PSAT1: variants seen among roughly 807,000 people sequenced by gnomAD.
PSAT1 encodes the protein phosphoserine aminotransferase.
A neutral mutation model predicts 40.3 loss-of-function variants in PSAT1; 41 were observed. The ratio of observed to expected loss-of-function variants is 1.02; its 90% CI spans 0.79 to 1.32. The LOEUF is 1.32. Ranked by LOEUF, PSAT1 falls within the 40% of genes most tolerant of loss-of-function variation. The probability of loss-of-function intolerance (pLI) is 0.00; values close to 1 mark genes in which losing one functional copy is unlikely to be tolerated. For missense variants in PSAT1, 406 were observed against 455.8 expected (o/e 0.89, Z 0.99); for synonymous variants, 147 against 170.5 (o/e 0.86, Z 1.07).
intron 6 of PSAT1, among the ~76,000 whole-genome samples, chr9:78,314,239 C>T (rs62565628): frequency 0.18 from 23,126 of 125,844 alleles, 1,998 homozygotes; most frequent in East Asian, 0.28. Flanking sequence ...TTAAGTAGAG[C>T]CACAGGGGCT....
chr9:78,301,805 T>G, intron 2 of PSAT1, 149 bp from the exon 3 acceptor site: 1 of 706,250 alleles, frequency 1.4e-6, no homozygotes, highest in Admixed American at 2.1e-5. Context: ...TATGGTCCCC[T>G]AAACTAAGTG....
intron 4 of PSAT1, among the ~76,000 whole-genome samples, chr9:78,305,862 T>G (rs1828174110): frequency 6.6e-6 from 1 of 152,144 alleles, no homozygotes; most frequent in African/African-American, 2.4e-5. Context: ...AACTCAGATA[T>G]CTCCCATGCC....
chr9:78,310,637 A>C (rs932503416), intron 6 of PSAT1, among the ~76,000 whole-genome samples: 1 of 147,662 alleles, frequency 6.8e-6, no homozygotes, highest in Non-Finnish European at 1.5e-5. Flanking sequence ...TTTTGACAGA[A>C]TCTTGCTCTG....
At chr9:78,322,041 A>G (rs1352385704) in intron 7 of PSAT1, among the ~76,000 whole-genome samples, 1 of 151,860 alleles carries the variant, frequency 6.6e-6, no homozygotes, top group Non-Finnish European at 1.5e-5. Flanking sequence ...TTAGCTCTTA[A>G]TATCATTATT....
intron 6 of PSAT1, among the ~76,000 whole-genome samples, chr9:78,316,499 C>G (rs577347823): frequency 6.6e-6 from 1 of 152,164 alleles, no homozygotes; most frequent in Admixed American, 6.5e-5. Flanking sequence ...TTTTTCTGCT[C>G]TCCCCACTCT....
At chr9:78,313,832 C>T (rs1048388087) in intron 6 of PSAT1, among the ~76,000 whole-genome samples, 14 of 151,950 alleles carry the variant, frequency 9.2e-5, no homozygotes, top group South Asian at 8.3e-4. Flanking sequence ...AAATTTATGG[C>T]GACAGGGTCT....
At chr9:78,317,531 G>A (rs538141425) in intron 6 of PSAT1, 145 bp from the exon 7 acceptor site, 17 of 1,027,448 alleles carry the variant, frequency 1.7e-5, no homozygotes, top group South Asian at 7.9e-5. Flanking sequence ...GATTACGGGC[G>A]TGAGCCACTG....
chr9:78,297,261 G>T lies in PSAT1; in HGVS notation c.51G>T (p.Leu17=). 6.2e-7 allele frequency: 1 copy of T among 1,601,132 alleles called. No individual in the cohort carries two copies. Among genetic ancestry groups the T allele is most frequent in the Non-Finnish European group, 8.5e-7 (1 of 1,178,350 alleles). The change falls in exon 1 of 9, where the codon CTG becomes CTT. Residue 17 remains leucine (L), a synonymous_variant. Transcript: ENST00000376588. ...VVNFGPGPAK[L]PHSVLLEIQK... ...ACTTTGGGCCTGGTCCCGCCAAGCTGCCGCACTCAGTAAGTCCCCGCGAGC... is the reference window on the plus strand; with the variant it reads ...ACTTTGGGCCTGGTCCCGCCAAGCTTCCGCACTCAGTAAGTCCCCGCGAGC...
intron 8 of PSAT1, among the ~76,000 whole-genome samples, chr9:78,328,522 A>C (rs1828533286): frequency 6.9e-6 from 1 of 144,968 alleles, no homozygotes; most frequent in Non-Finnish European, 1.5e-5. Context: ...GAGAATCATT[A>C]TTATTCCAAC....
intron 6 of PSAT1, among the ~76,000 whole-genome samples, chr9:78,314,384 C>T (rs1190883298): frequency 5.5e-4 from 53 of 97,084 alleles, no homozygotes; most frequent in Admixed American, 9.0e-4. Flanking sequence ...ACCTCTTATC[C>T]TGTGTTAAGT....
chr9:78,300,495 G>C (rs1416211458), intron 1 of PSAT1, 107 bp from the exon 2 acceptor site: 22 of 1,390,910 alleles, frequency 1.6e-5, no homozygotes, highest in Middle Eastern at 2.0e-4. Flanking sequence ...GAAGCCTGGG[G>C]ACCTCACTGT....
chr9:78,313,913 T>G (rs1033262614), intron 6 of PSAT1, among the ~76,000 whole-genome samples: 1 of 152,152 alleles, frequency 6.6e-6, no homozygotes, highest in Non-Finnish European at 1.5e-5. Context: ...GTCCAAAGTG[T>G]TGGGATTACA....
chr9:78,308,606 T>C lies in PSAT1; in HGVS notation c.740+23T>C. The C allele has an allele frequency of 2.5e-6, 4 of 1,613,410 alleles. No homozygotes were observed. The East Asian group carries it at 8.9e-5, about 36-fold the overall frequency. ...CAGGTAACTCTGGGAGTCAGTCTTG[T>C]GGACCCAGGGAGGGGTCTCACTATT... On this transcript the variant is annotated intron_variant, in intron 6 of 8. Coordinates refer to ENST00000376588, the MANE Select transcript of PSAT1 (RefSeq NM_058179.4).
intron 7 of PSAT1, among the ~76,000 whole-genome samples, chr9:78,321,402 T>G (rs150525644): frequency 1.2e-3 from 176 of 152,330 alleles, no homozygotes; most frequent in African/African-American, 3.9e-3. Flanking sequence ...AATTCTTCTT[T>G]TCTTTGGAAC....
intron 7 of PSAT1, among the ~76,000 whole-genome samples, chr9:78,327,252 C>T (rs369393200): frequency 5.3e-5 from 8 of 151,810 alleles, no homozygotes; most frequent in Admixed American, 1.3e-4. Flanking sequence ...TGAGCCACCG[C>T]GCTTGGCCAT....
At chr9:78,310,982 C>T (rs1434553877) in intron 6 of PSAT1, among the ~76,000 whole-genome samples, 1 of 152,206 alleles carries the variant, frequency 6.6e-6, no homozygotes, top group Non-Finnish European at 1.5e-5. Flanking sequence ...AGCAGCTCCT[C>T]ACATTGTGTC....
At chr9:78,318,252 CTTA>C (rs1304890685) in intron 7 of PSAT1, among the ~76,000 whole-genome samples, 1 of 152,142 alleles carries the variant, frequency 6.6e-6, no homozygotes, top group Non-Finnish European at 1.5e-5. Flanking sequence ...CACTCCTTTC[CTTA>C]TTATAAGACA....
At chr9:78,300,523 C>T in intron 1 of PSAT1, 79 bp from the exon 2 acceptor site, 1 of 1,516,040 alleles carries the variant, frequency 6.6e-7, no homozygotes, top group South Asian at 1.3e-5. Flanking sequence ...TCCTTGTCCC[C>T]TCGTCAGGTT....
chr9:78,325,084 A>T (rs1041132388), intron 7 of PSAT1, among the ~76,000 whole-genome samples: 2 of 152,130 alleles, frequency 1.3e-5, no homozygotes, highest in African/African-American at 4.8e-5. Context: ...AGAATCCAAA[A>T]CAGAGGTGCA....
Sources: gnomAD v4.1 joint callset for allele counts (sites outside exome capture counted in the v4.1 genomes callset) on GRCh38, gnomAD v4.1.1 for gene constraint, MANE v1.5 for transcripts, NCBI Gene and HGNC (gene_info 2026-07-23, HGNC 2026-07-21) for gene names.